Variants in DDX27 observed in about 807,000 individuals in gnomAD.
DDX27 encodes DEAD-box helicase 27.
DDX27 carries 42 observed loss-of-function variants against 99.3 expected under a neutral mutation model. That is an observed-to-expected ratio of 0.42 (90% confidence interval 0.33 to 0.55). DDX27 has a LOEUF of 0.55. DDX27 is among the 20% of genes least tolerant of loss of function. The pLI, the probability that DDX27 is intolerant of heterozygous loss-of-function variation, is 0.07. For missense variants in DDX27, 798 were observed against 976.8 expected (o/e 0.82, Z 2.44); for synonymous variants, 329 against 353.8 (o/e 0.93, Z 0.79).
Position 49,236,354 on chromosome 20 carries a change from A to G in DDX27, c.1531A>G (p.Asn511Asp), listed in dbSNP as rs756379577. ...CTAGGTAATCAACTTCACAATGCCT[A>G]ATACCATCAAACATTATGTCCACCG... The part of the protein sequence containing the change: ...VKTVINFTMP[N>D]TIKHYVHRVG... The change falls in exon 14 of 21, where the codon AAT becomes GAT. Residue 511 changes from asparagine (N) to aspartate (D), a missense_variant. Physicochemically the swap from Asn to Asp is conservative, Grantham distance 23 (BLOSUM62 1). This residue lies in a region of DDX27 where 553 missense variants were observed against 727.9 expected (regional missense o/e 0.76). Transcript: ENST00000618172. This position sits in a 1 kb window ranked among gnomAD's most constrained non-coding sequence, Gnocchi z 4.1. The G allele has an allele frequency of 1.2e-6, 2 of 1,602,214 alleles. No homozygotes were observed. The highest frequency in any genetic ancestry group is 1.1e-5 in the South Asian group (1 of 89,446).
intron 7 of DDX27, 46 bp downstream of exon 7, chr20:49,226,581 A>T: frequency 6.9e-7 from 1 of 1,439,718 alleles, no homozygotes. Context: ...TGTTACGGCC[A>T]GGGCTGGGCT....
intron 11 of DDX27, 35 bp from the exon 12 acceptor site, chr20:49,234,900 A>G (rs1309898374): frequency 6.4e-7 from 1 of 1,554,154 alleles, no homozygotes; most frequent in East Asian, 2.3e-5. Flanking sequence ...AAGAGCCTAG[A>G]AACAGCTGCC....
rs1231245288 is a variant in DDX27, at chr20:49,223,403, T to C, written c.436T>C (p.Ser146Pro). 1 of 1,612,668 alleles carries C rather than the reference T, an allele frequency of 6.2e-7. No homozygotes were observed. The highest frequency in any genetic ancestry group is 1.7e-5 in the Admixed American group (1 of 59,546). The change falls in exon 4 of 21, where the codon TCA (serine) becomes CCA (proline). Residue 146 changes from serine (S) to proline (P), a missense_variant. Physicochemically the swap from Ser to Pro is moderately conservative, Grantham distance 74. This residue lies in a region of DDX27 where 245 missense variants were observed against 248.8 expected (regional missense o/e 0.98). Coordinates refer to ENST00000618172, the MANE Select transcript of DDX27 (RefSeq NM_017895.8). ...TGAAGCCTCGGAGACTGACTACTCA[T>C]CAGCTGATGAGAACATCCTCACCAA... ...EDEASETDYS[S>P]ADENILTKAD...
chr20:49,237,376 TAA>T (rs10709002), intron 14 of DDX27, among the ~76,000 whole-genome samples: 42 of 152,194 alleles, frequency 2.8e-4, no homozygotes, highest in East Asian at 9.7e-4. Flanking sequence ...AATTAGTAAA[TAA>T]AAAAAAATGT....
intron 2 of DDX27, 106 bp from the exon 3 acceptor site, chr20:49,222,850 AG>A (rs1475304708): frequency 1.1e-6 from 1 of 875,132 alleles, no homozygotes; most frequent in African/African-American, 1.7e-5. Flanking sequence ...ATGTATTTTC[AG>A]AGAAGGCCAA....
chr20:49,240,601 G>A (rs1338392068), intron 16 of DDX27, among the ~76,000 whole-genome samples: 1 of 152,072 alleles, frequency 6.6e-6, no homozygotes, highest in East Asian at 1.9e-4. Flanking sequence ...GTAATTTTTT[G>A]TATTTTTAGT....
intron 1 of DDX27, among the ~76,000 whole-genome samples, 197 bp downstream of exon 1, chr20:49,219,738 T>C (rs1308689660): frequency 2.0e-5 from 3 of 152,050 alleles, no homozygotes; most frequent in African/African-American, 7.2e-5. Flanking sequence ...TCTTTGGCCA[T>C]GTCGTTCCCT....
chr20:49,242,643 C>T lies in DDX27; in HGVS notation c.2166C>T (p.Thr722=). ...AATCTGTATTTGATGAAGAACTCAC[C>T]AACACAAGCAAGAAGGCCCTGAAAC... is the stretch of plus-strand genomic sequence containing the variant. ...GKKSVFDEEL[T]NTSKKALKQY... The change falls in exon 19 of 21, where the codon ACC becomes ACT. Residue 722 remains threonine, a synonymous_variant. Coordinates refer to ENST00000618172, the MANE Select transcript of DDX27 (RefSeq NM_017895.8). 1 of 1,613,950 alleles carries T rather than the reference C, an allele frequency of 6.2e-7. No individual in the cohort carries two copies. Among genetic ancestry groups the T allele is most frequent in the South Asian group, 1.1e-5 (1 of 91,064 alleles).
At chr20:49,234,399 G>A (rs1980235166) in intron 11 of DDX27, 1 of 152,580 alleles carries the variant, frequency 6.6e-6, no homozygotes. Context: ...GAGTAGCTGG[G>A]ATTACAGGCA....
intron 18 of DDX27, 80 bp from the exon 19 acceptor site, chr20:49,242,514 G>T: frequency 2.2e-6 from 3 of 1,386,330 alleles, no homozygotes; most frequent in South Asian, 2.4e-5. Context: ...ACTGAACTTG[G>T]AATCATTACC....
intron 11 of DDX27, 67 bp downstream of exon 11, chr20:49,233,776 C>G (rs947628180): frequency 1.3e-6 from 2 of 1,562,358 alleles, no homozygotes; most frequent in African/African-American, 2.7e-5. Context: ...AGTATCCATG[C>G]TGAAGTGCTT....
chr20:49,240,601 G>C (rs1338392068), intron 16 of DDX27, among the ~76,000 whole-genome samples: 1 of 152,072 alleles, frequency 6.6e-6, no homozygotes, highest in Admixed American at 6.6e-5. Context: ...GTAATTTTTT[G>C]TATTTTTAGT....
Position 49,225,171 on chromosome 20 carries a change from A to G in DDX27, c.572A>G (p.Asp191Gly). The part of the protein sequence containing the change: ...SQYDENLSFQ[D>G]MNLSRPLLKA... ...TACGATGAAAACCTCTCGTTCCAGGACATGAACCTTTCCCGCCCTCTTCTG... is the reference window on the plus strand; with the variant it reads ...TACGATGAAAACCTCTCGTTCCAGGGCATGAACCTTTCCCGCCCTCTTCTG... Residue 191 changes from aspartate (D) to glycine (G), a missense_variant, in exon 6 of 21, where the codon GAC becomes GGC. Asp to Gly is a moderately conservative substitution (Grantham distance 94, BLOSUM62 -1). This residue lies in a region of DDX27 where 245 missense variants were observed against 248.8 expected (regional missense o/e 0.98). Coordinates refer to ENST00000618172, the MANE Select transcript of DDX27 (RefSeq NM_017895.8). 6.2e-7 allele frequency: 1 copy of G among 1,614,142 alleles called. No homozygotes were observed. Among genetic ancestry groups the G allele is most frequent in the Non-Finnish European group, 8.5e-7 (1 of 1,180,016 alleles).
At chr20:49,228,611 T>G in intron 7 of DDX27, 104 bp from the exon 8 acceptor site, 1 of 1,151,288 alleles carries the variant, frequency 8.7e-7, no homozygotes, top group Non-Finnish European at 1.2e-6. Context: ...ATAAGTTCCT[T>G]TATTTTCCCC....
At chr20:49,225,453 C>CTT (rs772387461) in intron 6 of DDX27, among the ~76,000 whole-genome samples, 3,535 of 107,286 alleles carry the variant, frequency 0.033, 209 homozygotes, top group Middle Eastern at 0.055. Context: ...AGAGAACTCC[C>CTT]TTTTTTTTTT....
chr20:49,243,988 T>C lies in DDX27; in HGVS notation c.*154T>C, dbSNP rs972654177. 3.8e-6 allele frequency: 3 copies of C among 797,074 alleles called. No individual in the cohort carries two copies. The highest frequency in any genetic ancestry group is 6.0e-6 in the Non-Finnish European group (3 of 502,600). 49.4% of individuals were successfully genotyped at this position (797,074 alleles called of 1,614,324 possible). A position where few individuals can be genotyped will look rare whatever the true frequency, so the allele number is the denominator to read the frequency against. On this transcript the variant is annotated 3_prime_UTR_variant, in exon 21 of 21. Transcript: ENST00000618172. Reference sequence around the variant, plus strand: ...GTGGTGGTATGGTACGTAGCTATTTTCCTAAGCATGTCTGTCAATCTCCCT... The same window carrying C: ...GTGGTGGTATGGTACGTAGCTATTTCCCTAAGCATGTCTGTCAATCTCCCT...
In DDX27 at chr20:49,219,501, C is replaced by T. The variant is rs1201484097; in HGVS notation, c.53C>T (p.Pro18Leu). 19 of 1,613,778 alleles carry T rather than the reference C, an allele frequency of 1.2e-5. No homozygotes were observed. In the Admixed American group the frequency reaches 2.7e-4, roughly 23 times the overall value. Reference protein sequence around the residue: ...IGTIGEDDEVPVEPESDSGDE... With the variant: ...IGTIGEDDEVLVEPESDSGDE... ...ACCATAGGCGAGGATGACGAGGTGC[C>T]GGTGGAGCCCGAGTCTGACTCCGGG... Residue 18 changes from proline to leucine, a missense_variant, in exon 1 of 21, where the codon CCG becomes CTG. Pro to Leu is a moderately conservative substitution (Grantham distance 98). Around this residue, in one of 2 missense-constraint regions of DDX27, gnomAD observed 245 missense variants for 248.8 expected, o/e 0.98. Transcript: ENST00000618172.
chr20:49,230,680 T>C (rs1167229321), intron 9 of DDX27, among the ~76,000 whole-genome samples: 1 of 152,190 alleles, frequency 6.6e-6, no homozygotes, highest in Non-Finnish European at 1.5e-5. Context: ...ACCATAGTGT[T>C]GAGGAGCTGA....
chr20:49,238,545 G>A (rs238154), intron 14 of DDX27: 122,157 of 177,236 alleles, frequency 0.69, 43,346 homozygotes, highest in Non-Finnish European at 0.78. Context: ...GCTTACTGCA[G>A]CCTCCGCCTC....
Sources: allele counts gnomAD v4.1 joint callset (sites outside exome capture counted in the v4.1 genomes callset), GRCh38; gene constraint gnomAD v4.1.1; regional missense constraint gnomAD v4.1.1; non-coding constraint Gnocchi (gnomAD v3.1); transcripts MANE v1.5; gene names NCBI Gene and HGNC (gene_info 2026-07-23, HGNC 2026-07-21).